The following ADGRF1 variants were observed in gnomAD, a reference collection of about 807,000 sequenced individuals.
The protein encoded by ADGRF1 is adhesion G protein-coupled receptor F1.
ADGRF1 carries 85 observed loss-of-function variants against 87.2 expected under a neutral mutation model. That is an observed-to-expected ratio of 0.97 (90% CI 0.82 to 1.17). ADGRF1 has a LOEUF of 1.17. Ranked by LOEUF, ADGRF1 falls within the 50% of genes most tolerant of loss-of-function variation. The probability of loss-of-function intolerance (pLI) is 0.00; values close to 1 mark genes in which losing one functional copy is unlikely to be tolerated. For synonymous variants in ADGRF1, 430 were observed against 408.8 expected (o/e 1.05, Z -0.63); for missense variants, 1,169 against 1,077.2 (o/e 1.09, Z -1.19).
At chr6:47,038,435 A>G (rs1780653527) in intron 1 of ADGRF1, among the ~76,000 whole-genome samples, 3 of 152,198 alleles carry the variant, frequency 2.0e-5, no homozygotes. Flanking sequence ...TTCTTTATCA[A>G]TTCTATTTAT....
intron 1 of ADGRF1, among the ~76,000 whole-genome samples, chr6:47,037,086 C>T (rs1242223672): frequency 6.6e-6 from 1 of 152,170 alleles, no homozygotes; most frequent in Non-Finnish European, 1.5e-5. Context: ...ACCTCCTAAC[C>T]TGTACCCATT....
intron 7 of ADGRF1, chr6:47,017,425 CTGG>C (rs1779916498): frequency 6.6e-6 from 1 of 152,174 alleles, no homozygotes; most frequent in Non-Finnish European, 1.5e-5. Flanking sequence ...TAGGAAAGAG[CTGG>C]TGGTGGCTTG....
intron 1 of ADGRF1, among the ~76,000 whole-genome samples, chr6:47,041,990 T>C (rs75208408): frequency 8.3e-4 from 126 of 152,324 alleles, no homozygotes; most frequent in Non-Finnish European, 1.4e-3. Flanking sequence ...CACCTCATTA[T>C]AGTTAGTAAG....
rs773831616 is a variant in ADGRF1 at position 47,007,233 on chromosome 6, A to G, written c.2532+20T>C. ...AAGATGTCTAGGCTAGGGGTTAATG[A>G]GAGAAATAAATACACATACCTTACT... is the stretch of plus-strand genomic sequence containing the variant. On this transcript the variant is annotated intron_variant, in intron 12 of 14. Coordinates refer to ENST00000371253, the MANE Select transcript of ADGRF1 (RefSeq NM_153840.4). 2.0e-6 allele frequency: 3 copies of G among 1,513,370 alleles called. No homozygotes were observed. The highest frequency in any genetic ancestry group is 4.6e-5 in the East Asian group (2 of 43,940). 93.7% of individuals were successfully genotyped at this position (1,513,370 alleles called of 1,614,324 possible). A position where few individuals can be genotyped will look rare whatever the true frequency, so the allele number is the denominator to read the frequency against.
chr6:47,028,720 C>T (rs543256061), intron 2 of ADGRF1, among the ~76,000 whole-genome samples: 34 of 152,246 alleles, frequency 2.2e-4, no homozygotes, highest in African/African-American at 7.9e-4. Context: ...CATAGTACAG[C>T]ATGTGTTGAA....
chr6:47,034,459 T>C (rs1221872911), intron 1 of ADGRF1, among the ~76,000 whole-genome samples: 1 of 152,218 alleles, frequency 6.6e-6, no homozygotes, highest in African/African-American at 2.4e-5. Context: ...TTTTAAGAAT[T>C]CTGGACTTGT....
intron 3 of ADGRF1, 135 bp from the exon 4 acceptor site, chr6:47,026,138 C>G (rs1264078369): frequency 7.3e-6 from 5 of 686,062 alleles, no homozygotes; most frequent in Non-Finnish European, 1.2e-5. Flanking sequence ...TTCCTCTCAT[C>G]CAAACATGGA....
intron 2 of ADGRF1, among the ~76,000 whole-genome samples, chr6:47,028,490 G>T (rs953950314): frequency 6.6e-6 from 1 of 152,170 alleles, no homozygotes; most frequent in East Asian, 1.9e-4. Context: ...TCCGAGGTCC[G>T]CTGGATTCCC....
intron 2 of ADGRF1, 28 bp downstream of exon 2, chr6:47,028,965 A>G: frequency 6.3e-7 from 1 of 1,584,728 alleles, no homozygotes; most frequent in Non-Finnish European, 8.7e-7. Flanking sequence ...TTAGTTGAGA[A>G]GAGATATGAG....
At position 47,000,255 on chromosome 6, in the gene ADGRF1, G is replaced by A. The variant is rs1194173438; in HGVS notation, c.2700C>T (p.Asn900=). The change falls in exon 15 of 15, where the codon AAC becomes AAT. Residue 900 remains asparagine, a synonymous_variant. Transcript: ENST00000371253. ...TTGAGACAAACTGAGTTAGCATGATGTTGTCGGAGGAATCTCCAGTATGAG... is the reference window on the plus strand; with the variant it reads ...TTGAGACAAACTGAGTTAGCATGATATTGTCGGAGGAATCTCCAGTATGAG... ...AFSHTGDSSD[N]IMLTQFVSNE is the part of the protein sequence containing the mutation. The A allele has an allele frequency of 1.9e-6, 3 of 1,607,560 alleles. No homozygotes were observed. The highest frequency in any genetic ancestry group is 2.7e-5 in the African/African-American group (2 of 74,936).
rs750681892 is a variant in ADGRF1, at chr6:47,010,286, A to G, written c.1149T>C (p.Asn383=). 3.1e-6 allele frequency: 5 copies of G among 1,612,250 alleles called. No individual in the cohort carries two copies. Among genetic ancestry groups the G allele is most frequent in the Non-Finnish European group, 3.4e-6 (4 of 1,179,216 alleles). ...CTGTCCAGTTGGTTACTGAGGCTGA[A>G]TTAAGGATATTGTCAGCTATACTGA... ...DVISIADNIL[N]SASVTNWTVL... The change falls in exon 11 of 15, where the codon AAT becomes AAC. Residue 383 remains asparagine, a synonymous_variant. Coordinates refer to ENST00000371253, the MANE Select transcript of ADGRF1 (RefSeq NM_153840.4).
chr6:47,026,731 C>T (rs868722533), intron 3 of ADGRF1, among the ~76,000 whole-genome samples: 51 of 152,284 alleles, frequency 3.3e-4, no homozygotes, highest in African/African-American at 1.1e-3. Context: ...CCCCGAAGCT[C>T]ACCTATGAAA....
chr6:47,035,672 C>T (rs1301281764), intron 1 of ADGRF1, among the ~76,000 whole-genome samples: 2 of 152,054 alleles, frequency 1.3e-5, no homozygotes, highest in African/African-American at 2.4e-5. Context: ...GATCATGAGC[C>T]GGTTAGTTTT....
At chr6:47,029,500 C>G (rs771594636) in intron 1 of ADGRF1, among the ~76,000 whole-genome samples, 4 of 151,936 alleles carry the variant, frequency 2.6e-5, no homozygotes, top group Non-Finnish European at 5.9e-5. Flanking sequence ...CCATTAATAC[C>G]AGGATATAAT....
At chr6:47,038,704 T>C (rs149566857) in intron 1 of ADGRF1, among the ~76,000 whole-genome samples, 145 of 152,344 alleles carry the variant, frequency 9.5e-4, no homozygotes, top group African/African-American at 3.4e-3. Flanking sequence ...AGCTGTAAGC[T>C]TGTTTAATGA....
Position 47,025,983 on chromosome 6 carries a change from G to T in ADGRF1, c.148C>A (p.Leu50Met). 6.2e-7 allele frequency: 1 copy of T among 1,604,646 alleles called. No homozygotes were observed. The highest frequency in any genetic ancestry group is 1.3e-5 in the African/African-American group (1 of 74,742). The change falls in exon 4 of 15, where the codon CTG becomes ATG. Residue 50 changes from leucine to methionine, a missense_variant. By Grantham distance (15) the Leu-to-Met change is conservative. Transcript: ENST00000371253. Reference protein sequence around the residue: ...KHLGPVEEYQLLLQVTYRDSK... With the variant: ...KHLGPVEEYQMLLQVTYRDSK... ...TCTCTATAGGTCACCTGAAGCAGCA[G>T]CTGATATTCTTCGACTGGGCCTAAA...
intron 1 of ADGRF1, among the ~76,000 whole-genome samples, chr6:47,039,822 C>T (rs756384507): frequency 4.6e-5 from 7 of 151,950 alleles, no homozygotes; most frequent in Non-Finnish European, 7.4e-5. Context: ...ATTAGCCAGG[C>T]GTAGTGGCAG....
chr6:47,033,503 G>A (rs796296623), intron 1 of ADGRF1, among the ~76,000 whole-genome samples: 8 of 152,356 alleles, frequency 5.3e-5, no homozygotes, highest in African/African-American at 1.7e-4. Context: ...ACTCTGCGCT[G>A]TTTCTCTGGC....
intron 1 of ADGRF1, among the ~76,000 whole-genome samples, chr6:47,035,803 G>C (rs1780571939): frequency 6.6e-6 from 1 of 152,174 alleles, no homozygotes; most frequent in African/African-American, 2.4e-5. Context: ...CTATCTTCCT[G>C]TTCCTGCATT....
Sources: allele counts gnomAD v4.1 joint callset (sites outside exome capture counted in the v4.1 genomes callset), GRCh38; gene constraint gnomAD v4.1.1; transcripts MANE v1.5; gene names NCBI Gene and HGNC (gene_info 2026-07-23, HGNC 2026-07-21).